EEF1E1: variants seen among roughly 807,000 people sequenced by gnomAD.
EEF1E1 encodes eukaryotic translation elongation factor 1 epsilon 1.
A neutral mutation model predicts 19.9 loss-of-function variants in EEF1E1; 19 were observed. The observed-to-expected ratio is 0.95, with a 90% CI of 0.66 to 1.40. The LOEUF is 1.40. Ranked by LOEUF, EEF1E1 falls within the 40% of genes most tolerant of loss-of-function variation. The pLI is 0.00. For synonymous variants in EEF1E1, 81 were observed against 80.0 expected (o/e 1.01, Z -0.07); for missense variants, 198 against 202.2 (o/e 0.98, Z 0.13).
At chr6:8,087,327 C>T (rs564932384) in intron 3 of EEF1E1, among the ~76,000 whole-genome samples, 2 of 152,338 alleles carry the variant, frequency 1.3e-5, no homozygotes, top group Admixed American at 1.3e-4. Context: ...AAGCAATTCT[C>T]CTGCCTCAGC....
intron 2 of EEF1E1, among the ~76,000 whole-genome samples, chr6:8,094,104 C>T (rs78893922): frequency 1.6e-4 from 24 of 152,014 alleles, no homozygotes; most frequent in African/African-American, 5.6e-4. Flanking sequence ...CGGCCTCAAA[C>T]GAATAATTTT....
chr6:8,074,362 G>A (rs1413597762), intron 3 of EEF1E1, among the ~76,000 whole-genome samples: 1 of 152,124 alleles, frequency 6.6e-6, no homozygotes. Context: ...CAAAAGGAAT[G>A]TACTGAGCTC....
At position 8,079,998 on chromosome 6, in the gene EEF1E1, A is replaced by G. The variant is rs752106269; in HGVS notation, c.417T>C (p.Tyr139=). The change falls in exon 4 of 4, where the codon TAT becomes TAC. Residue 139 remains tyrosine (Y), a synonymous_variant. Coordinates refer to ENST00000379715, the MANE Select transcript of EEF1E1 (RefSeq NM_004280.5). ...GACAAAACCAGCGAGACACATTAAGATATTTCTCCTTTTCTTGAACTGTCA... is the reference window on the plus strand; with the variant it reads ...GACAAAACCAGCGAGACACATTAAGGTATTTCTCCTTTTCTTGAACTGTCA... ...VDLTVQEKEK[Y]LNVSRWFCHI... The G allele has an allele frequency of 1.5e-5, 24 of 1,613,592 alleles. No individual in the cohort carries two copies. The Admixed American group carries it at 3.2e-4, about 21-fold the overall frequency.
intron 2 of EEF1E1, among the ~76,000 whole-genome samples, chr6:8,090,606 A>AT (rs200324162): frequency 0.018 from 2,797 of 152,238 alleles, 58 homozygotes; most frequent in Admixed American, 0.051. Context: ...AGTTACACTT[A>AT]TTTTTTCCAT....
chr6:8,073,549 G>A (rs116460821), intron 3 of EEF1E1: 1 of 1,551,250 alleles, frequency 6.4e-7, no homozygotes, highest in Admixed American at 2.0e-5. Context: ...TTCACTTAAA[G>A]CACTTAGAAT....
Position 8,079,666 on chromosome 6 carries a change from TG to T in EEF1E1, c.*223del. On this transcript the variant is annotated 3_prime_UTR_variant, in exon 4 of 4. Transcript: ENST00000379715. The stretch of plus-strand genomic sequence containing the variant: ...ACTAAAAACAAGGTTAATTTATAAC[TG>T]GATCTCAACTTGTTTAATAGCAATT... The T allele has an allele frequency of 3.3e-6, 4 of 1,213,850 alleles. No homozygotes were observed. Among genetic ancestry groups the T allele is most frequent in the Middle Eastern group, 3.3e-4 (1 of 3,016 alleles). 75.2% of individuals were successfully genotyped at this position (1,213,850 alleles called of 1,614,324 possible).
chr6:8,089,658 C>T lies in EEF1E1; in HGVS notation c.384+528G>A, dbSNP rs191478498. ...TGACTCAAGTGTTAATCTCCTTTGGCAACACCGTCACAGACACACCCAGGA... is the reference window on the plus strand; with the variant it reads ...TGACTCAAGTGTTAATCTCCTTTGGTAACACCGTCACAGACACACCCAGGA... On this transcript the variant is annotated intron_variant, in intron 3 of 3. Transcript: ENST00000379715. Among the ~76,000 whole-genome samples, 270 of 152,326 alleles carry T rather than the reference C, an allele frequency of 1.8e-3. 3 individuals carry two copies. Among genetic ancestry groups the T allele is most frequent in the African/African-American group, 6.2e-3 (259 of 41,568 alleles).
chr6:8,099,782 ACACACAC>A (rs1351036528), intron 1 of EEF1E1, among the ~76,000 whole-genome samples: 14 of 121,638 alleles, frequency 1.2e-4, no homozygotes, highest in African/African-American at 2.9e-4. Flanking sequence ...ACACACACAC[ACACACAC>A]ACAAAAAAAA....
chr6:8,101,240 AAAAATATATATATATATAT>A (rs1758345461), intron 1 of EEF1E1, among the ~76,000 whole-genome samples: 1 of 76,232 alleles, frequency 1.3e-5, no homozygotes, highest in African/African-American at 5.9e-5. Context: ...AAAAAAAAAA[AAAAATATATATATATATAT>A]ATATATATAT....
Position 8,094,676 on chromosome 6 carries a change from A to G in EEF1E1, c.288+2591T>C, listed in dbSNP as rs116867890. Among the ~76,000 whole-genome samples the G allele has an allele frequency of 5.1e-3, 775 of 152,324 alleles. 28 individuals are homozygous for G. The East Asian group carries it at 0.069, about 14-fold the overall frequency. Reference sequence around the variant, plus strand: ...GGATAGATAATTTAAATTGTGGTACAATTACAGCTTAAACCTTGAACAACG... The same window carrying G: ...GGATAGATAATTTAAATTGTGGTACGATTACAGCTTAAACCTTGAACAACG... On this transcript the variant is annotated intron_variant, in intron 2 of 3. Transcript: ENST00000379715.
intron 2 of EEF1E1, among the ~76,000 whole-genome samples, chr6:8,092,869 C>CTTT (rs942764776): frequency 0.015 from 1,371 of 93,182 alleles, 98 homozygotes; most frequent in African/African-American, 0.025. Flanking sequence ...ATAAAGACTG[C>CTTT]TTTTTTTTTT....
intron 3 of EEF1E1, among the ~76,000 whole-genome samples, chr6:8,083,502 T>C (rs1329609215): frequency 6.7e-6 from 1 of 149,430 alleles, no homozygotes; most frequent in Non-Finnish European, 1.5e-5. Context: ...GTGAAATCAC[T>C]TTAAGAAAGC....
chr6:8,098,684 A>G (rs1253226326), intron 1 of EEF1E1, among the ~76,000 whole-genome samples: 1 of 152,230 alleles, frequency 6.6e-6, no homozygotes, highest in Non-Finnish European at 1.5e-5. Context: ...TATTGAAAGA[A>G]AACAGTATGG....
intron 3 of EEF1E1, among the ~76,000 whole-genome samples, chr6:8,081,495 C>T (rs1385737202): frequency 1.3e-5 from 2 of 152,106 alleles, no homozygotes; most frequent in East Asian, 3.8e-4. Context: ...GAGCATCTAC[C>T]TGTCAGGTGT....
At chr6:8,091,938 GTAAACAAAAGAGATTTAT>G (rs1758021720) in intron 2 of EEF1E1, among the ~76,000 whole-genome samples, 1 of 152,222 alleles carries the variant, frequency 6.6e-6, no homozygotes, top group Admixed American at 6.5e-5. Flanking sequence ...TGGGTGGCAT[GTAAACAAAAGAGATTTAT>G]TCCTCACAGT....
At chr6:8,094,569 T>TAAAAAAAAAA (rs199734021) in intron 2 of EEF1E1, among the ~76,000 whole-genome samples, 1 of 139,488 alleles carries the variant, frequency 7.2e-6, no homozygotes, top group Non-Finnish European at 1.6e-5. Flanking sequence ...AGACTCTATT[T>TAAAAAAAAAA]AAAAAAAAAA....
At chr6:8,097,205 AG>A in intron 2 of EEF1E1, 61 bp downstream of exon 2, 1 of 1,513,014 alleles carries the variant, frequency 6.6e-7, no homozygotes, top group Non-Finnish European at 9.2e-7. Context: ...TTTTAATCTC[AG>A]GGGAAAGAGA....
At chr6:8,089,031 G>C (rs541887121) in intron 3 of EEF1E1, among the ~76,000 whole-genome samples, 1 of 152,212 alleles carries the variant, frequency 6.6e-6, no homozygotes, top group African/African-American at 2.4e-5. Flanking sequence ...CTACAGTGTT[G>C]TAATTTCTCC....
At chr6:8,095,202 CA>C (rs1442734573) in intron 2 of EEF1E1, among the ~76,000 whole-genome samples, 1 of 151,768 alleles carries the variant, frequency 6.6e-6, no homozygotes, top group African/African-American at 2.4e-5. Context: ...TGTCGGTGAA[CA>C]AAAAAACAGT....
Sources: gnomAD v4.1 joint callset for allele counts (sites outside exome capture counted in the v4.1 genomes callset) on GRCh38, gnomAD v4.1.1 for gene constraint, MANE v1.5 for transcripts, NCBI Gene and HGNC (gene_info 2026-07-23, HGNC 2026-07-21) for gene names.